Variants in INPP5D observed in about 807,000 individuals in gnomAD.
The protein encoded by INPP5D is phosphatidylinositol 3,4,5-trisphosphate 5-phosphatase 1.
Under a neutral mutation model 122.9 loss-of-function variants are expected in INPP5D, and 33 were observed. The ratio of observed to expected loss-of-function variants is 0.27; its 90% CI spans 0.20 to 0.36. The LOEUF is 0.36. INPP5D is among the 10% of genes least tolerant of loss of function. The pLI is 1.00. For synonymous variants in INPP5D, 584 were observed against 576.2 expected (o/e 1.01, Z -0.19); for missense variants, 1,053 against 1,412.7 (o/e 0.75, Z 4.08).
At chr2:233,074,824 G>C (rs1211233796) in intron 1 of INPP5D, among the ~76,000 whole-genome samples, 1 of 152,104 alleles carries the variant, frequency 6.6e-6, no homozygotes, top group Admixed American at 6.5e-5. Context: ...AACACAAAGA[G>C]GTTCTTGAAT....
Position 233,105,622 on chromosome 2 carries a change from AG to A in INPP5D, c.199-16481del, listed in dbSNP as rs1487437385. ...GCTGAGCCGGGGGGAAGAGAGCCAG[AG>A]GGGAAGGGAAGGGTAAGAGGGTAGT... On this transcript the variant is annotated intron_variant, in intron 2 of 26. Coordinates refer to ENST00000445964, the MANE Select transcript of INPP5D (RefSeq NM_001017915.3). The surrounding 1 kb of genome is among the most constrained non-coding windows in gnomAD (Gnocchi z 4.0). Among the ~76,000 whole-genome samples the A allele has an allele frequency of 6.6e-6, 1 of 152,070 alleles. No homozygotes were observed. The highest frequency in any genetic ancestry group is 1.5e-5 in the Non-Finnish European group (1 of 68,022).
At chr2:233,136,199 C>T (rs548252413) in intron 5 of INPP5D, among the ~76,000 whole-genome samples, 31 of 152,298 alleles carry the variant, frequency 2.0e-4, no homozygotes, top group African/African-American at 6.5e-4. Flanking sequence ...AATAGAAGGC[C>T]GGGCCTAGTG....
At chr2:233,176,976 G>T (rs1014071129) in intron 17 of INPP5D, among the ~76,000 whole-genome samples, 1 of 152,066 alleles carries the variant, frequency 6.6e-6, no homozygotes, top group South Asian at 2.1e-4. Flanking sequence ...ATCTGAGTCA[G>T]AAAGAAAGTA....
chr2:233,174,526 C>T (rs550904404), intron 17 of INPP5D, among the ~76,000 whole-genome samples: 1 of 152,334 alleles, frequency 6.6e-6, no homozygotes, highest in Non-Finnish European at 1.5e-5. Flanking sequence ...GGCACAGTGG[C>T]TCATGCCTGT....
chr2:233,070,532 C>T lies in INPP5D; in HGVS notation c.135-8803C>T, dbSNP rs186194007. ...CTTGGCTCACTGCAAACTTCTGCCT[C>T]CCCAGTTCAAGTGATTCTTCTGCCT... On this transcript the variant is annotated intron_variant, in intron 1 of 26. Transcript: ENST00000445964. Among the ~76,000 whole-genome samples, 498 of 151,964 alleles carry T rather than the reference C, an allele frequency of 3.3e-3. 8 individuals carry two copies. The highest frequency in any genetic ancestry group is 0.032 in the South Asian group (154 of 4,802).
chr2:233,116,567 C>T lies in INPP5D; in HGVS notation c.199-5540C>T, dbSNP rs185719467. On this transcript the variant is annotated intron_variant, in intron 2 of 26. Coordinates refer to ENST00000445964, the MANE Select transcript of INPP5D (RefSeq NM_001017915.3). ...CCTCTCAAAGTGCTGGGATTACAGG[C>T]GTGTGCCACCATGTCTGACCAAGAC... 3.5e-3 allele frequency among the ~76,000 whole-genome samples: 525 copies of T among 151,252 alleles called. 9 individuals carry two copies. The highest frequency in any genetic ancestry group is 5.2e-3 in the Non-Finnish European group (351 of 67,876).
chr2:233,068,547 A>G (rs900374221), intron 1 of INPP5D, among the ~76,000 whole-genome samples: 3 of 152,170 alleles, frequency 2.0e-5, no homozygotes, highest in Non-Finnish European at 2.9e-5. Flanking sequence ...GTGAGCCGAG[A>G]TCGTGCCATT....
Position 233,204,300 on chromosome 2 carries a change from C to A in INPP5D, c.3150C>A (p.Cys1050Ter). The change falls in exon 26 of 27, where the codon TGC becomes TGA. Residue 1050 changes from cysteine to a stop codon, truncating the protein, a stop_gained. Coordinates refer to ENST00000445964, the MANE Select transcript of INPP5D (RefSeq NM_001017915.3). LOFTEE classifies it high-confidence loss of function. ...PKMPRKEPPP[C>*]PEPGILSPSI... ...TGCCGCGGAAGGAACCCCCGCCCTG[C>A]CCGGAACCCGGCATCTTGTCGCCCA... 1 of 1,612,508 alleles carries A rather than the reference C, an allele frequency of 6.2e-7. No homozygotes were observed. The highest frequency in any genetic ancestry group is 8.5e-7 in the Non-Finnish European group (1 of 1,179,416).
chr2:233,185,198 C>T (rs986189045), intron 20 of INPP5D, among the ~76,000 whole-genome samples: 2 of 151,940 alleles, frequency 1.3e-5, no homozygotes, highest in Non-Finnish European at 2.9e-5. Context: ...CTCAAAAGGG[C>T]ATTTTGTGAG....
At chr2:233,200,453 T>C (rs1194569455) in intron 25 of INPP5D, among the ~76,000 whole-genome samples, 1 of 152,206 alleles carries the variant, frequency 6.6e-6, no homozygotes, top group African/African-American at 2.4e-5. Flanking sequence ...CAGCCTCTCT[T>C]CCTCTAACAC....
chr2:233,170,293 C>T lies in INPP5D; in HGVS notation c.1791+129C>T. On this transcript the variant is annotated intron_variant, in intron 15 of 26. Transcript: ENST00000445964. This position sits in a 1 kb window ranked among gnomAD's most constrained non-coding sequence, Gnocchi z 4.5. ...CTGAGGCGGCTGCTCCCCTTGGGGG[C>T]TCAACGCTGTTTCCATTACTGAGCC... 6.7e-7 allele frequency: 1 copy of T among 1,500,588 alleles called. No homozygotes were observed. Among genetic ancestry groups the T allele is most frequent in the South Asian group, 1.3e-5 (1 of 76,224 alleles). The allele number at this position is 1,500,588 out of a possible 1,614,324, so 93.0% of individuals were successfully genotyped here. A position where few individuals can be genotyped will look rare whatever the true frequency, so the allele number is the denominator to read the frequency against.
At chr2:233,070,398 A>G (rs1448548196) in intron 1 of INPP5D, among the ~76,000 whole-genome samples, 1 of 150,990 alleles carries the variant, frequency 6.6e-6, no homozygotes, top group Non-Finnish European at 1.5e-5. Context: ...GTGGGTTATG[A>G]CAGAGACTTT....
At chr2:233,122,323 G>A (rs1317103714) in intron 3 of INPP5D, 66 bp downstream of exon 3, 3 of 1,519,688 alleles carry the variant, frequency 2.0e-6, no homozygotes, top group Non-Finnish European at 1.8e-6. Context: ...CACCTTGAGT[G>A]CTTGTAGACT....
At chr2:233,159,751 C>T (rs1032253608) in intron 10 of INPP5D, among the ~76,000 whole-genome samples, 9 of 149,220 alleles carry the variant, frequency 6.0e-5, no homozygotes, top group Non-Finnish European at 8.9e-5. Flanking sequence ...ACATCAGGTG[C>T]TGGCTGACAT....
intron 2 of INPP5D, among the ~76,000 whole-genome samples, chr2:233,112,171 T>C (rs1448070519): frequency 6.6e-6 from 1 of 152,228 alleles, no homozygotes; most frequent in East Asian, 1.9e-4. Flanking sequence ...ATTACTATGA[T>C]GATTGCCAAA....
In INPP5D at chr2:233,129,917, TGA is replaced by T. The variant is rs751824465; in HGVS notation, c.525-586_525-585del. Among the ~76,000 whole-genome samples, 784 of 138,702 alleles carry T rather than the reference TGA, an allele frequency of 5.7e-3. 3 individuals carry two copies. Among genetic ancestry groups the T allele is most frequent in the Middle Eastern group, 0.056 (15 of 268 alleles). 91.0% of individuals were successfully genotyped at this position (138,702 alleles called of 152,430 possible). A position where few individuals can be genotyped will look rare whatever the true frequency, so the allele number is the denominator to read the frequency against. Reference sequence around the variant, plus strand: ...GTGTGTGTGTGTGTGTGTGTGTGTGTGAGAGACAGTGTCTCACTCTGTCACTC... The same window carrying T: ...GTGTGTGTGTGTGTGTGTGTGTGTGTGAGACAGTGTCTCACTCTGTCACTC... On this transcript the variant is annotated intron_variant, in intron 4 of 26. Coordinates refer to ENST00000445964, the MANE Select transcript of INPP5D (RefSeq NM_001017915.3).
intron 10 of INPP5D, among the ~76,000 whole-genome samples, chr2:233,159,499 ACTAGC>A (rs1171659546): frequency 9.3e-5 from 14 of 151,136 alleles, no homozygotes; most frequent in Middle Eastern, 3.2e-3. Context: ...AGAGTTCGAG[ACTAGC>A]CTGTGCAAGA....
intron 2 of INPP5D, among the ~76,000 whole-genome samples, chr2:233,093,697 A>AC (rs1235657085): frequency 2.0e-5 from 3 of 151,994 alleles, no homozygotes; most frequent in Non-Finnish European, 4.4e-5. Flanking sequence ...AAAAAAAAAA[A>AC]AGACTTTATG....
intron 14 of INPP5D, 161 bp downstream of exon 14, chr2:233,169,562 C>A (rs1694436348): frequency 3.6e-6 from 4 of 1,126,172 alleles, no homozygotes; most frequent in South Asian, 3.3e-5. Context: ...AAGGCAACTG[C>A]AGCACCATAG....
Sources: allele counts gnomAD v4.1 joint callset (sites outside exome capture counted in the v4.1 genomes callset), GRCh38; gene constraint gnomAD v4.1.1; non-coding constraint Gnocchi (gnomAD v3.1); transcripts MANE v1.5; gene names NCBI Gene and HGNC (gene_info 2026-07-23, HGNC 2026-07-21).